MARCHF3: variants seen among roughly 807,000 people sequenced by gnomAD.
The protein encoded by MARCHF3 is E3 ubiquitin-protein ligase MARCHF3.
A neutral mutation model predicts 24.2 loss-of-function variants in MARCHF3; 13 were observed. That is an observed-to-expected ratio of 0.54 (90% CI 0.35 to 0.85). MARCHF3 has a LOEUF of 0.85. MARCHF3 is among the 40% of genes least tolerant of loss of function. The probability of loss-of-function intolerance (pLI) is 0.01; values close to 1 mark genes in which losing one functional copy is unlikely to be tolerated. For missense variants in MARCHF3, 276 were observed against 325.0 expected (o/e 0.85, Z 1.16); for synonymous variants, 144 against 137.3 (o/e 1.05, Z -0.34).
chr5:126,926,904 AC>A (rs1424702595), intron 1 of MARCHF3, among the ~76,000 whole-genome samples: 3 of 152,000 alleles, frequency 2.0e-5, no homozygotes, highest in African/African-American at 4.8e-5. Context: ...TACAAGGGGC[AC>A]CTTCCAGATC....
intron 1 of MARCHF3, among the ~76,000 whole-genome samples, chr5:126,976,505 C>T (rs1751201540): frequency 6.6e-6 from 1 of 151,776 alleles, no homozygotes; most frequent in African/African-American, 2.4e-5. Context: ...TACTGGGGCA[C>T]TCAGCCCCTG....
intron 1 of MARCHF3, among the ~76,000 whole-genome samples, chr5:126,936,602 TTTCA>T (rs1393459809): frequency 6.6e-6 from 1 of 152,242 alleles, no homozygotes; most frequent in Admixed American, 6.5e-5. Context: ...CTTAATTTAC[TTTCA>T]TTGTTTCTGC....
At chr5:126,891,311 T>G (rs1411245474) in intron 3 of MARCHF3, among the ~76,000 whole-genome samples, 1 of 145,120 alleles carries the variant, frequency 6.9e-6, no homozygotes, top group Non-Finnish European at 1.5e-5. Flanking sequence ...CATTTGTCAA[T>G]TTTGGCTTTT....
chr5:126,977,011 T>A (rs1319144929), intron 1 of MARCHF3, among the ~76,000 whole-genome samples: 1 of 152,250 alleles, frequency 6.6e-6, no homozygotes, highest in African/African-American at 2.4e-5. Context: ...TGCCCTGCTA[T>A]CAGGCCACAT....
chr5:126,901,128 G>C (rs1754091599), intron 3 of MARCHF3, among the ~76,000 whole-genome samples: 1 of 152,040 alleles, frequency 6.6e-6, no homozygotes, highest in Non-Finnish European at 1.5e-5. Context: ...GATAATATCT[G>C]CTATGAGAAG....
chr5:126,923,231 A>G (rs1232997456), intron 1 of MARCHF3, among the ~76,000 whole-genome samples: 1 of 152,276 alleles, frequency 6.6e-6, no homozygotes, highest in African/African-American at 2.4e-5. Context: ...TCTATTTGTC[A>G]GAGCAGCAGT....
intron 3 of MARCHF3, among the ~76,000 whole-genome samples, chr5:126,905,323 TTAAAG>T (rs1369811143): frequency 7.0e-6 from 1 of 143,440 alleles, no homozygotes; most frequent in Non-Finnish European, 1.5e-5. Context: ...CATATGAACT[TTAAAG>T]TAGTTTTTTC....
intron 1 of MARCHF3, among the ~76,000 whole-genome samples, chr5:126,937,692 T>G (rs1185803755): frequency 1.3e-5 from 2 of 152,256 alleles, no homozygotes; most frequent in South Asian, 4.1e-4. Flanking sequence ...ACCACTATTA[T>G]TATTTAATAC....
At chr5:127,004,561 A>C (rs1405289035) in intron 1 of MARCHF3, among the ~76,000 whole-genome samples, 1 of 152,184 alleles carries the variant, frequency 6.6e-6, no homozygotes, top group Non-Finnish European at 1.5e-5. Context: ...GAAGCTTATG[A>C]AATTCCATAC....
chr5:126,967,415 T>C (rs1750855734), intron 1 of MARCHF3, among the ~76,000 whole-genome samples: 3 of 152,264 alleles, frequency 2.0e-5, no homozygotes, highest in East Asian at 3.9e-4. Flanking sequence ...CATTTAGGCC[T>C]GGTGCGGTGG....
intron 3 of MARCHF3, among the ~76,000 whole-genome samples, chr5:126,907,776 T>G (rs1235742586): frequency 6.7e-6 from 1 of 149,578 alleles, no homozygotes; most frequent in African/African-American, 2.5e-5. Flanking sequence ...CTTTATCCAA[T>G]TTGCCAGTCT....
intron 1 of MARCHF3, among the ~76,000 whole-genome samples, chr5:126,996,284 T>C (rs2126847066): frequency 6.6e-6 from 1 of 152,200 alleles, no homozygotes; most frequent in African/African-American, 2.4e-5. Context: ...TCAGGATGCA[T>C]GGAGAACAGA....
chr5:126,876,942 G>A (rs184491405), intron 4 of MARCHF3, among the ~76,000 whole-genome samples: 5 of 152,224 alleles, frequency 3.3e-5, no homozygotes, highest in Middle Eastern at 3.4e-3. Context: ...GAGCCACCGC[G>A]CCCAGCTGGA....
chr5:126,958,863 C>T (rs1054039016), intron 1 of MARCHF3, among the ~76,000 whole-genome samples: 6 of 152,108 alleles, frequency 3.9e-5, no homozygotes, highest in Admixed American at 3.9e-4. Flanking sequence ...GAATGAGCTA[C>T]CACTAATGAC....
chr5:126,980,533 G>A (rs1413716652), intron 1 of MARCHF3, among the ~76,000 whole-genome samples: 3 of 152,012 alleles, frequency 2.0e-5, no homozygotes, highest in African/African-American at 7.3e-5. Flanking sequence ...ACCAGGCTCG[G>A]CTAATTTTTT....
At chr5:126,973,351 C>A (rs927839873) in intron 1 of MARCHF3, among the ~76,000 whole-genome samples, 2 of 152,244 alleles carry the variant, frequency 1.3e-5, no homozygotes, top group Non-Finnish European at 2.9e-5. Context: ...ACCCAGTAAA[C>A]ACATTCTGTA....
intron 4 of MARCHF3, among the ~76,000 whole-genome samples, chr5:126,873,569 T>G (rs61396259): frequency 0.017 from 2,620 of 152,198 alleles, 72 homozygotes; most frequent in African/African-American, 0.057. Flanking sequence ...AGAGAGTGCA[T>G]TTTAACAAGA....
chr5:126,907,340 G>A (rs1754337297), intron 3 of MARCHF3, among the ~76,000 whole-genome samples: 1 of 133,866 alleles, frequency 7.5e-6, no homozygotes, highest in Non-Finnish European at 1.6e-5. Flanking sequence ...AGGTCTGCTT[G>A]GTGCAGAGCT....
At chr5:127,002,708 C>G (rs1302021042) in intron 1 of MARCHF3, among the ~76,000 whole-genome samples, 2 of 152,224 alleles carry the variant, frequency 1.3e-5, no homozygotes, top group Non-Finnish European at 2.9e-5. Context: ...ACTTTGTCCT[C>G]TGGTGAAACA....
Sources: allele counts gnomAD v4.1 joint callset (sites outside exome capture counted in the v4.1 genomes callset), GRCh38; gene constraint gnomAD v4.1.1; transcripts MANE v1.5; gene names NCBI Gene and HGNC (gene_info 2026-07-23, HGNC 2026-07-21).